CAMK4: variants seen among roughly 807,000 people sequenced by gnomAD.
The protein encoded by CAMK4 is calcium/calmodulin-dependent protein kinase type IV.
CAMK4 carries 22 observed loss-of-function variants against 44.9 expected under a neutral mutation model. That is an observed-to-expected ratio of 0.49 (90% CI 0.35 to 0.70). The LOEUF (loss-of-function observed/expected upper bound fraction) is 0.70, where lower values mean the gene tolerates loss of function less well. CAMK4 is among the 30% of genes least tolerant of loss of function. CAMK4 has a pLI of 0.01. For synonymous variants in CAMK4, 218 were observed against 215.4 expected (o/e 1.01, Z -0.11); for missense variants, 498 against 586.8 (o/e 0.85, Z 1.56).
chr5:111,250,377 T>C (rs1749434412), intron 1 of CAMK4, among the ~76,000 whole-genome samples: 1 of 152,226 alleles, frequency 6.6e-6, no homozygotes, highest in Non-Finnish European at 1.5e-5. Flanking sequence ...TATTCTCTAC[T>C]GACTCTTCTT....
intron 2 of CAMK4, among the ~76,000 whole-genome samples, chr5:111,370,914 A>AAAAAAC (rs113963864): frequency 0.91 from 136,590 of 150,798 alleles, 61,962 homozygotes; most frequent in East Asian, 1. Flanking sequence ...ACTCCATCTC[A>AAAAAAC]AAAAACAAAA....
At chr5:111,411,380 G>C (rs1450942360) in intron 5 of CAMK4, among the ~76,000 whole-genome samples, 5 of 152,216 alleles carry the variant, frequency 3.3e-5, no homozygotes, top group Non-Finnish European at 7.3e-5. Context: ...AGCAGTTGTA[G>C]GTTGGGCTAA....
At chr5:111,395,805 C>A (rs1288015355) in intron 5 of CAMK4, among the ~76,000 whole-genome samples, 1 of 152,062 alleles carries the variant, frequency 6.6e-6, no homozygotes, top group Non-Finnish European at 1.5e-5. Context: ...TTTGGTGATT[C>A]ATTTATTGAA....
intron 5 of CAMK4, among the ~76,000 whole-genome samples, chr5:111,431,229 C>G (rs2112939433): frequency 6.6e-6 from 1 of 152,198 alleles, no homozygotes; most frequent in Admixed American, 6.5e-5. Context: ...GAACTCATCT[C>G]TGACAAAGGT....
At chr5:111,316,189 C>T (rs1748415012) in intron 1 of CAMK4, among the ~76,000 whole-genome samples, 1 of 152,100 alleles carries the variant, frequency 6.6e-6, no homozygotes, top group Non-Finnish European at 1.5e-5. Context: ...CCTTTTTCTC[C>T]AGCCTCCCTT....
chr5:111,338,535 T>C (rs1749505540), intron 1 of CAMK4, among the ~76,000 whole-genome samples: 1 of 151,438 alleles, frequency 6.6e-6, no homozygotes, highest in South Asian at 2.1e-4. Context: ...CAAAAATTCT[T>C]TGCCAAGGCC....
intron 2 of CAMK4, among the ~76,000 whole-genome samples, chr5:111,354,529 T>A (rs1420693795): frequency 6.6e-6 from 1 of 151,816 alleles, no homozygotes; most frequent in African/African-American, 2.4e-5. Flanking sequence ...CATCAGAACG[T>A]CACATTGTAC....
intron 1 of CAMK4, among the ~76,000 whole-genome samples, chr5:111,315,810 G>A (rs917534587): frequency 6.6e-6 from 1 of 152,112 alleles, no homozygotes; most frequent in Non-Finnish European, 1.5e-5. Context: ...TCTGCAGCCA[G>A]TGACAGCTTC....
chr5:111,395,060 T>A (rs1240822852), intron 5 of CAMK4, among the ~76,000 whole-genome samples: 1 of 151,390 alleles, frequency 6.6e-6, no homozygotes, highest in Non-Finnish European at 1.5e-5. Context: ...AATAAAAAAA[T>A]TAGCTGGGTA....
chr5:111,364,155 G>A (rs1750701924), intron 2 of CAMK4, among the ~76,000 whole-genome samples: 1 of 151,486 alleles, frequency 6.6e-6, no homozygotes, highest in Non-Finnish European at 1.5e-5. Context: ...TGCTTTGGAA[G>A]TGGGAGGGGA....
chr5:111,331,685 C>G (rs990507179), intron 1 of CAMK4, among the ~76,000 whole-genome samples: 7 of 151,540 alleles, frequency 4.6e-5, no homozygotes, highest in African/African-American at 1.7e-4. Flanking sequence ...TTTTTAGTCA[C>G]CAGTAGTAAG....
chr5:111,426,990 GGA>G (rs1753250864), intron 5 of CAMK4, among the ~76,000 whole-genome samples: 3 of 152,252 alleles, frequency 2.0e-5, no homozygotes, highest in Middle Eastern at 3.4e-3. Context: ...AGTGGACTGG[GGA>G]GGGCAGGTGA....
At chr5:111,420,684 G>T (rs1459342900) in intron 5 of CAMK4, among the ~76,000 whole-genome samples, 1 of 152,188 alleles carries the variant, frequency 6.6e-6, no homozygotes, top group Non-Finnish European at 1.5e-5. Context: ...CTCTAGGCGT[G>T]TATTCTCTTT....
At chr5:111,231,223 A>G (rs764584175) in intron 1 of CAMK4, among the ~76,000 whole-genome samples, 1 of 151,970 alleles carries the variant, frequency 6.6e-6, no homozygotes, top group Non-Finnish European at 1.5e-5. Context: ...TCAAATAAAG[A>G]AAAGAACAGT....
In CAMK4 at chr5:111,374,893, G is replaced by A. The variant is rs149873223; in HGVS notation, c.284G>A (p.Arg95His). Residue 95 changes from arginine to histidine, a missense_variant, in exon 3 of 11, where the codon CGC becomes CAC. Coordinates refer to ENST00000282356, the MANE Select transcript of CAMK4 (RefSeq NM_001744.6). ...AGAACTGAGATAGGAGTTCTTCTTCGCCTCTCACATCCAAACATTGTAAGT... is the reference window on the plus strand; with the variant it reads ...AGAACTGAGATAGGAGTTCTTCTTCACCTCTCACATCCAAACATTGTAAGT... ...IVRTEIGVLL[R>H]LSHPNIIKLK... The A allele has an allele frequency of 3.1e-6, 5 of 1,611,086 alleles. No individual in the cohort carries two copies. Among genetic ancestry groups the A allele is most frequent in the East Asian group, 2.2e-5 (1 of 44,738 alleles).
At chr5:111,308,926 TGTTGTG>T (rs1283477420) in intron 1 of CAMK4, among the ~76,000 whole-genome samples, 1 of 152,210 alleles carries the variant, frequency 6.6e-6, no homozygotes, top group East Asian at 1.9e-4. Flanking sequence ...GGATTACCTG[TGTTGTG>T]GTTATATTTG....
rs1580825976 is a variant in CAMK4, at chr5:111,491,661, T to A, written c.*7195T>A. 6.6e-6 allele frequency: 1 copy of A among 152,164 alleles called. No individual in the cohort carries two copies. Among genetic ancestry groups the A allele is most frequent in the African/African-American group, 2.4e-5 (1 of 41,452 alleles). 9.4% of individuals were successfully genotyped at this position (152,164 alleles called of 1,614,324 possible). A position where few individuals can be genotyped will look rare whatever the true frequency, so the allele number is the denominator to read the frequency against. ...GGTTGAGAGTAGAATTAAAAAGATTTCTAGCACTTTGAGCATGTTTTAGAA... is the reference window on the plus strand; with the variant it reads ...GGTTGAGAGTAGAATTAAAAAGATTACTAGCACTTTGAGCATGTTTTAGAA... On this transcript the variant is annotated 3_prime_UTR_variant, in exon 11 of 11. Coordinates refer to ENST00000282356, the MANE Select transcript of CAMK4 (RefSeq NM_001744.6).
chr5:111,281,339 G>A (rs867595382), intron 1 of CAMK4, among the ~76,000 whole-genome samples: 3 of 152,278 alleles, frequency 2.0e-5, no homozygotes, highest in Middle Eastern at 3.4e-3. Flanking sequence ...TAGCTTTATA[G>A]CTTAATATAA....
intron 1 of CAMK4, among the ~76,000 whole-genome samples, chr5:111,334,428 A>G (rs1749308259): frequency 6.6e-6 from 1 of 151,552 alleles, no homozygotes; most frequent in Non-Finnish European, 1.5e-5. Flanking sequence ...TGAAACAATG[A>G]AAAGCTGTCC....
Sources: gnomAD v4.1 joint callset for allele counts (sites outside exome capture counted in the v4.1 genomes callset) on GRCh38, gnomAD v4.1.1 for gene constraint, MANE v1.5 for transcripts, NCBI Gene and HGNC (gene_info 2026-07-23, HGNC 2026-07-21) for gene names.